PER3: variants seen among roughly 807,000 people sequenced by gnomAD.
PER3 encodes the protein period circadian regulator 3.
Under a neutral mutation model 127.2 loss-of-function variants are expected in PER3, and 107 were observed. That is an observed-to-expected ratio of 0.84 (90% CI 0.72 to 0.99). The LOEUF (loss-of-function observed/expected upper bound fraction) is 0.99. Among genes scored for constraint, PER3 ranks in the 50% least tolerant of loss-of-function variants. The pLI is 0.00. For missense variants in PER3, 1,560 were observed against 1,525.8 expected, an observed-to-expected ratio of 1.02 and a Z score of -0.37; for synonymous variants, 618 against 585.8, an observed-to-expected ratio of 1.05 and a Z score of -0.79.
chr1:7,812,624 C>CAAAAAAAAAAAAA (rs35962033), intron 13 of PER3, among the ~76,000 whole-genome samples: 7 of 85,412 alleles, frequency 8.2e-5, no homozygotes, highest in African/African-American at 3.1e-4. Flanking sequence ...GACTCCGTCT[C>CAAAAAAAAAAAAA]AAAAAAAAAA....
At chr1:7,822,290 C>T (rs113875180) in intron 16 of PER3, among the ~76,000 whole-genome samples, 1 of 150,362 alleles carries the variant, frequency 6.7e-6, no homozygotes, top group Non-Finnish European at 1.5e-5. Context: ...GAGTCTTGCT[C>T]TGTCACCCAG....
At chr1:7,813,891 A>G (rs953882225) in intron 13 of PER3, among the ~76,000 whole-genome samples, 3 of 152,210 alleles carry the variant, frequency 2.0e-5, no homozygotes, top group African/African-American at 7.2e-5. Flanking sequence ...AGTTGGAACT[A>G]TCTGACAGGG....
intron 21 of PER3, among the ~76,000 whole-genome samples, chr1:7,842,030 C>T (rs1578005185): frequency 6.6e-6 from 1 of 152,084 alleles, no homozygotes; most frequent in African/African-American, 2.4e-5. Flanking sequence ...CTGTTACTGT[C>T]CTGAATACTG....
chr1:7,797,558 C>T (rs1558398653), intron 6 of PER3, among the ~76,000 whole-genome samples: 1 of 151,934 alleles, frequency 6.6e-6, no homozygotes, highest in Non-Finnish European at 1.5e-5. Flanking sequence ...TCAGCTTGCA[C>T]CCAGGAGGTG....
At chr1:7,841,899 G>A (rs1558494081) in intron 21 of PER3, among the ~76,000 whole-genome samples, 1 of 152,144 alleles carries the variant, frequency 6.6e-6, no homozygotes, top group Non-Finnish European at 1.5e-5. Context: ...ACTTAGTAAT[G>A]GGGATGTTTT....
At chr1:7,836,537 C>T (rs2097359498) in intron 20 of PER3, among the ~76,000 whole-genome samples, 1 of 152,120 alleles carries the variant, frequency 6.6e-6, no homozygotes, top group Non-Finnish European at 1.5e-5. Context: ...TATAAATTCC[C>T]TTTGAGAAAT....
chr1:7,803,210 TTTTTC>T (rs2097178183), intron 9 of PER3, 57 bp downstream of exon 9: 1 of 1,097,982 alleles, frequency 9.1e-7, no homozygotes, highest in East Asian at 2.3e-5. Flanking sequence ...TTTGTTCTAA[TTTTTC>T]TTTTCATCTC....
intron 8 of PER3, among the ~76,000 whole-genome samples, chr1:7,802,309 C>A (rs915695839): frequency 6.6e-6 from 1 of 152,150 alleles, no homozygotes; most frequent in African/African-American, 2.4e-5. Flanking sequence ...GTTGCCCGGG[C>A]TGGAGTGCAG....
intron 3 of PER3, among the ~76,000 whole-genome samples, chr1:7,786,202 C>T (rs1317375973): frequency 6.6e-6 from 1 of 152,204 alleles, no homozygotes; most frequent in Non-Finnish European, 1.5e-5. Context: ...TTGCAGTGAG[C>T]CGAGATCACG....
intron 21 of PER3, among the ~76,000 whole-genome samples, chr1:7,841,958 G>A (rs2097391889): frequency 6.6e-6 from 1 of 152,124 alleles, no homozygotes; most frequent in African/African-American, 2.4e-5. Context: ...GGAGTAGCTT[G>A]CTACAATCAC....
chr1:7,810,228 T>C (rs1034727417), intron 12 of PER3: 13 of 637,842 alleles, frequency 2.0e-5, no homozygotes, highest in East Asian at 2.0e-4. Flanking sequence ...TTGTATGCGT[T>C]CTAAAAATTA....
rs1558457113 is a variant in PER3 at position 7,826,395 on chromosome 1, AAT to A, written c.1958-84_1958-83del. ...CAGCAGTTATAATAATGTTTGTAAAAATGTATCAAAAGGCAGTTAACAAAGTA... is the reference window on the plus strand; with the variant it reads ...CAGCAGTTATAATAATGTTTGTAAAAGTATCAAAAGGCAGTTAACAAAGTA... On this transcript the variant is annotated intron_variant, in intron 16 of 21. Transcript: ENST00000377532. The surrounding 1 kb of genome is among the most constrained non-coding windows in gnomAD (Gnocchi z 4.2). The A allele has an allele frequency of 1.3e-6, 1 of 748,840 alleles. No individual in the cohort carries two copies. The highest frequency in any genetic ancestry group is 2.3e-6 in the Non-Finnish European group (1 of 434,496). 46.4% of individuals were successfully genotyped at this position (748,840 alleles called of 1,614,324 possible). A position where few individuals can be genotyped will look rare whatever the true frequency, so the allele number is the denominator to read the frequency against.
chr1:7,807,172 A>G (rs1385426636), intron 10 of PER3, among the ~76,000 whole-genome samples: 2 of 152,160 alleles, frequency 1.3e-5, no homozygotes, highest in Non-Finnish European at 2.9e-5. Context: ...AGTGGGATAT[A>G]GGGAGAGACA....
chr1:7,785,065 GA>G, intron 2 of PER3, 60 bp downstream of exon 2: 2 of 1,532,664 alleles, frequency 1.3e-6, no homozygotes, highest in East Asian at 2.4e-5. Flanking sequence ...CTGGAGCAGG[GA>G]AAGGGGGACC....
intron 5 of PER3, chr1:7,788,707 C>T (rs1458567534): frequency 6.0e-6 from 1 of 167,920 alleles, no homozygotes; most frequent in East Asian, 1.6e-4. Context: ...AGTTCCAGAC[C>T]AGCCTGGCCA....
intron 19 of PER3, among the ~76,000 whole-genome samples, chr1:7,831,143 G>A (rs1316341726): frequency 6.6e-6 from 1 of 152,074 alleles, no homozygotes; most frequent in Admixed American, 6.5e-5. Flanking sequence ...TCTCAGCAGG[G>A]TTTTATAGTT....
At chr1:7,819,670 T>C (rs1209674632) in intron 14 of PER3, among the ~76,000 whole-genome samples, 1 of 152,192 alleles carries the variant, frequency 6.6e-6, no homozygotes, top group African/African-American at 2.4e-5. Flanking sequence ...CAAAATTAAA[T>C]GGTGTAAGGC....
Position 7,786,706 on chromosome 1 carries a change from C to T in PER3, c.275-15C>T, listed in dbSNP as rs969399973. 5 of 1,336,238 alleles carry T rather than the reference C, an allele frequency of 3.7e-6. No homozygotes were observed. In the East Asian group the frequency reaches 6.9e-5, roughly 18 times the overall value. 82.8% of individuals were successfully genotyped at this position (1,336,238 alleles called of 1,614,324 possible). A position where few individuals can be genotyped will look rare whatever the true frequency, so the allele number is the denominator to read the frequency against. ...TTGTCACTGGACTACCTGTTTATCT[C>T]CCTGTGTTTCTTAGCAAACAGTGAG... On this transcript the variant is annotated splice_polypyrimidine_tract_variant and intron_variant, in intron 3 of 21. Transcript: ENST00000377532.
rs926562603 is a variant in PER3 at position 7,784,735 on chromosome 1, T to C, written c.-143T>C. On this transcript the variant is annotated 5_prime_UTR_variant, in exon 2 of 22. Coordinates refer to ENST00000377532, the MANE Select transcript of PER3 (RefSeq NM_001377275.1). ...CTCCTCGGAGATGAGCGTGACCCCC[T>C]GGCTCGTGGTGGCCGCCTGTTCTCA... is the stretch of plus-strand genomic sequence containing the variant. 8 of 814,312 alleles carry C rather than the reference T, an allele frequency of 9.8e-6. No individual in the cohort carries two copies. In the African/African-American group the frequency reaches 1.5e-4, roughly 15 times the overall value. The allele number at this position is 814,312 out of a possible 1,614,324, so 50.4% of individuals were successfully genotyped here.
Sources: gnomAD v4.1 joint callset for allele counts (sites outside exome capture counted in the v4.1 genomes callset) on GRCh38, gnomAD v4.1.1 for gene constraint, Gnocchi (gnomAD v3.1) non-coding constraint, MANE v1.5 for transcripts, NCBI Gene and HGNC (gene_info 2026-07-23, HGNC 2026-07-21) for gene names.